PLS3: variants seen among roughly 807,000 people sequenced by gnomAD.
The protein encoded by PLS3 is plastin-3.
A neutral mutation model predicts 46.5 loss-of-function variants in PLS3; 11 were observed. That is an observed-to-expected ratio of 0.24 (90% CI 0.15 to 0.39). The LOEUF (loss-of-function observed/expected upper bound fraction) is 0.39, where lower values mean the gene tolerates loss of function less well. PLS3 is among the 10% of genes least tolerant of loss of function. The pLI is 1.00. For missense variants in PLS3, 308 were observed against 461.8 expected, an observed-to-expected ratio of 0.67 and a Z score of 3.05; for synonymous variants, 167 against 162.2, an observed-to-expected ratio of 1.03 and a Z score of -0.22.
intron 1 of PLS3, among the ~76,000 whole-genome samples, chrX:115,584,097 G>A (rs1250232685): frequency 1.8e-5 from 2 of 112,056 alleles, no homozygotes; most frequent in Non-Finnish European, 3.8e-5. Context: ...GTATCTTACA[G>A]AGTTAGCCAA....
At chrX:115,604,582 C>G (rs2074473641) in intron 1 of PLS3, among the ~76,000 whole-genome samples, 1 of 111,894 alleles carries the variant, frequency 8.9e-6, no homozygotes, top group Non-Finnish European at 1.9e-5. Flanking sequence ...CAACATCTTT[C>G]TGTTAAAACA....
chrX:115,637,163 G>C (rs1201738302), intron 8 of PLS3, among the ~76,000 whole-genome samples, 185 bp downstream of exon 8: 1 of 111,584 alleles, frequency 9.0e-6, no homozygotes, highest in Non-Finnish European at 1.9e-5. Flanking sequence ...TTTATTTTGT[G>C]GGAAAAGGTA....
intron 5 of PLS3, 80 bp downstream of exon 5, chrX:115,630,047 G>A (rs2074748969): frequency 1.4e-6 from 1 of 697,508 alleles, no homozygotes; most frequent in East Asian, 3.6e-5. Context: ...CTGCATGCTT[G>A]ACAGGTTCAC....
chrX:115,648,919 C>T (rs2074978026), intron 15 of PLS3, among the ~76,000 whole-genome samples: 1 of 111,447 alleles, frequency 9.0e-6, no homozygotes, highest in Non-Finnish European at 1.9e-5. Context: ...TCTGTCCCTT[C>T]GTCTACCTTT....
rs1323958412 is a variant in PLS3 at position 115,586,668 on chromosome X, A to G, written c.-8-23575A>G. 5.6e-5 allele frequency among the ~76,000 whole-genome samples: 3 copies of G among 53,120 alleles called. No individual in the cohort carries two copies. The East Asian group carries it at 2.1e-3, about 37-fold the overall frequency. 46.1% of individuals were successfully genotyped at this position (53,120 alleles called of 115,157 possible). ...ACTCCAGCCTGGAGGATGGAGTGAG[A>G]CTCCGTCTCAAAAAAAAAAAAAAAA... On this transcript the variant is annotated intron_variant, in intron 1 of 15. Transcript: ENST00000355899.
intron 1 of PLS3, among the ~76,000 whole-genome samples, chrX:115,573,725 A>G (rs1475729470): frequency 4.5e-5 from 5 of 111,253 alleles, no homozygotes; most frequent in African/African-American, 1.6e-4. Context: ...ATTTTTTGAG[A>G]TGGAGTATCG....
At chrX:115,635,678 G>GA (rs1327055357) in intron 7 of PLS3, among the ~76,000 whole-genome samples, 4 of 100,363 alleles carry the variant, frequency 4.0e-5, no homozygotes, top group African/African-American at 7.3e-5. Flanking sequence ...AAGAAAGAAA[G>GA]AAAAAAAAAG....
chrX:115,606,760 G>A (rs1489540503), intron 1 of PLS3, among the ~76,000 whole-genome samples: 1 of 111,241 alleles, frequency 9.0e-6, no homozygotes, highest in Non-Finnish European at 1.9e-5. Context: ...TTGTAATGGG[G>A]AGTGTTGAAC....
intron 1 of PLS3, among the ~76,000 whole-genome samples, chrX:115,587,877 T>C (rs1350157738): frequency 3.6e-5 from 4 of 112,412 alleles, no homozygotes; most frequent in South Asian, 7.3e-4. Flanking sequence ...ACTAAGAGTA[T>C]TTGTTGCCAA....
chrX:115,597,305 C>T lies in PLS3; in HGVS notation c.-8-12938C>T, dbSNP rs180954629. Among the ~76,000 whole-genome samples the T allele has an allele frequency of 7.2e-5, 8 of 111,470 alleles. No homozygotes were observed. The East Asian group carries it at 1.7e-3, about 24-fold the overall frequency. On this transcript the variant is annotated intron_variant, in intron 1 of 15. Transcript: ENST00000355899. ...CTCTTCTGCTCTCATCTCTCTTCCC[C>T]GCCCTTCTTAATAAACCTTTATATC...
intron 3 of PLS3, among the ~76,000 whole-genome samples, chrX:115,623,975 A>G (rs1199185161): frequency 8.9e-6 from 1 of 112,300 alleles, no homozygotes; most frequent in African/African-American, 3.2e-5. Flanking sequence ...CACGCCTGTA[A>G]TCCCAGCACT....
chrX:115,645,945 A>C, intron 11 of PLS3, 127 bp from the exon 12 acceptor site: 1 of 471,522 alleles, frequency 2.1e-6, no homozygotes, highest in Non-Finnish European at 3.8e-6. Flanking sequence ...GATTGATAGA[A>C]AATATGAGTC....
intron 5 of PLS3, among the ~76,000 whole-genome samples, chrX:115,630,436 T>C (rs184393498): frequency 1.1e-3 from 126 of 109,924 alleles, no homozygotes; most frequent in African/African-American, 4.0e-3. Context: ...ATAGAGGCAG[T>C]GTCACACAGT....
intron 1 of PLS3, among the ~76,000 whole-genome samples, chrX:115,590,099 G>A (rs1318243305): frequency 9.0e-6 from 1 of 111,295 alleles, no homozygotes; most frequent in Non-Finnish European, 1.9e-5. Flanking sequence ...CAGGTGATCC[G>A]CCCACCTCAG....
At chrX:115,590,774 C>T (rs782036292) in intron 1 of PLS3, among the ~76,000 whole-genome samples, 7 of 110,472 alleles carry the variant, frequency 6.3e-5, no homozygotes, top group African/African-American at 2.3e-4. Flanking sequence ...GAGCTGAGAT[C>T]GAACCACTGC....
chrX:115,586,838 G>GT (rs1199094165), intron 1 of PLS3, among the ~76,000 whole-genome samples: 3 of 111,825 alleles, frequency 2.7e-5, no homozygotes, highest in African/African-American at 9.7e-5. Context: ...TTAAAGAGAT[G>GT]TTTTTTCTTT....
intron 7 of PLS3, among the ~76,000 whole-genome samples, chrX:115,636,480 A>G (rs2074837914): frequency 8.9e-6 from 1 of 111,785 alleles, no homozygotes; most frequent in African/African-American, 3.2e-5. Context: ...TGCTGGGATT[A>G]CAGGCGTGAG....
At position 115,569,035 on chromosome X, in the gene PLS3, CAAAAAAA is replaced by C. The variant is rs782042707; in HGVS notation, c.-9+7788_-9+7794del. On this transcript the variant is annotated intron_variant, in intron 1 of 15. Transcript: ENST00000355899. ...CGGGCAACAGAGCACGACTCCGTTT[CAAAAAAA>C]AAAAAAAAAAAAGAAGAAGAAAAAA... Among the ~76,000 whole-genome samples, 927 of 94,111 alleles carry C rather than the reference CAAAAAAA, an allele frequency of 9.9e-3. 9 individuals are homozygous for C. Among genetic ancestry groups the C allele is most frequent in the African/African-American group, 0.024 (541 of 22,330 alleles). 81.7% of individuals were successfully genotyped at this position (94,111 alleles called of 115,157 possible).
chrX:115,586,770 C>A (rs1556632514), intron 1 of PLS3, among the ~76,000 whole-genome samples: 1 of 111,378 alleles, frequency 9.0e-6, no homozygotes, highest in Non-Finnish European at 1.9e-5. Flanking sequence ...GAACCTGATT[C>A]AGCAAAATGT....
Sources: gnomAD v4.1 joint callset for allele counts (sites outside exome capture counted in the v4.1 genomes callset) on GRCh38, gnomAD v4.1.1 for gene constraint, MANE v1.5 for transcripts, NCBI Gene and HGNC (gene_info 2026-07-23, HGNC 2026-07-21) for gene names.